Variants in ALPK1 observed in about 807,000 individuals in gnomAD.
ALPK1 encodes alpha kinase 1.
A neutral mutation model predicts 120.6 loss-of-function variants in ALPK1; 110 were observed. The ratio of observed to expected loss-of-function variants is 0.91; its 90% CI spans 0.78 to 1.07. The LOEUF is 1.07. Among genes scored for constraint, ALPK1 ranks in the 50% least tolerant of loss-of-function variants. ALPK1 has a pLI of 0.00. For missense variants in ALPK1, 1,498 were observed against 1,483.9 expected (o/e 1.01, Z -0.16); for synonymous variants, 582 against 560.3 (o/e 1.04, Z -0.55).
At chr4:112,301,201 C>A (rs1390618033) in intron 1 of ALPK1, among the ~76,000 whole-genome samples, 1 of 151,960 alleles carries the variant, frequency 6.6e-6, no homozygotes, top group Non-Finnish European at 1.5e-5. Context: ...AGGTCATGCC[C>A]CAAATAATTA....
intron 2 of ALPK1, chr4:112,356,676 T>A: frequency 1.0e-6 from 1 of 964,088 alleles, no homozygotes; most frequent in Non-Finnish European, 1.7e-6. Context: ...GAGAAAAGCC[T>A]GGAGCAGGAG....
chr4:112,371,233 G>A (rs536504495), intron 2 of ALPK1, among the ~76,000 whole-genome samples: 42 of 151,986 alleles, frequency 2.8e-4, no homozygotes, highest in Non-Finnish European at 2.6e-4. Flanking sequence ...GTTACCTCCC[G>A]GCAAACCCCC....
intron 2 of ALPK1, chr4:112,357,861 G>A: frequency 8.6e-7 from 1 of 1,165,894 alleles, no homozygotes; most frequent in Non-Finnish European, 1.3e-6. Flanking sequence ...TGGCTAGGAA[G>A]ATGGAGGCGC....
chr4:112,411,023 TGA>T (rs1415016473), intron 4 of ALPK1: 1 of 154,698 alleles, frequency 6.5e-6, no homozygotes, highest in African/African-American at 2.4e-5. Context: ...CATTTACGTA[TGA>T]GAGAGAAAGA....
chr4:112,314,876 C>CTTTTTT (rs763492984), intron 1 of ALPK1, among the ~76,000 whole-genome samples: 9 of 99,618 alleles, frequency 9.0e-5, no homozygotes, highest in Non-Finnish European at 1.7e-4. Context: ...AATCCATTGC[C>CTTTTTT]TTTTTTTTTT....
rs1173331801 is a variant in ALPK1 at position 112,430,705 on chromosome 4, G to A, written c.1158G>A (p.Met386Ile). The A allele has an allele frequency of 6.2e-7, 1 of 1,614,200 alleles. No homozygotes were observed. The highest frequency in any genetic ancestry group is 8.5e-7 in the Non-Finnish European group (1 of 1,180,048). The stretch of plus-strand genomic sequence containing the variant: ...CAAGTCAGCTCTGTAAGGAAGCAAT[G>A]GGGAAGCTGTACAATTTCAGCACTT... ...HAASQLCKEA[M>I]GKLYNFSTSS... The change falls in exon 11 of 16, where the codon ATG becomes ATA. Residue 386 changes from methionine to isoleucine, a missense_variant. Coordinates refer to ENST00000650871, the MANE Select transcript of ALPK1 (RefSeq NM_025144.4).
intron 1 of ALPK1, among the ~76,000 whole-genome samples, chr4:112,304,666 G>A (rs1727947403): frequency 6.6e-6 from 1 of 152,010 alleles, no homozygotes; most frequent in Non-Finnish European, 1.5e-5. Context: ...TGTCAAATAA[G>A]TAGATTGCAA....
chr4:112,334,291 G>C (rs938556818), intron 2 of ALPK1, among the ~76,000 whole-genome samples: 1 of 152,070 alleles, frequency 6.6e-6, no homozygotes, highest in African/African-American at 2.4e-5. Context: ...AAATTAGCCA[G>C]GTGTGGTGGC....
chr4:112,397,084 G>A (rs553977990), intron 4 of ALPK1, among the ~76,000 whole-genome samples: 13 of 152,096 alleles, frequency 8.5e-5, no homozygotes, highest in East Asian at 1.9e-4. Context: ...GCCCTGTGGC[G>A]TTGTTATCTT....
chr4:112,441,258 A>G lies in ALPK1; in HGVS notation c.*48A>G. ...TGGGGCTTGGGCAGGGCCGTGACAC[A>G]GGTTCTGGCCAATGATTTGCAAGAG... On this transcript the variant is annotated 3_prime_UTR_variant, in exon 16 of 16. Transcript: ENST00000650871. 8.1e-7 allele frequency: 1 copy of G among 1,240,920 alleles called. No individual in the cohort carries two copies. The allele number at this position is 1,240,920 out of a possible 1,614,324, so 76.9% of individuals were successfully genotyped here.
chr4:112,352,196 A>G (rs1730391880), intron 2 of ALPK1, among the ~76,000 whole-genome samples: 1 of 152,198 alleles, frequency 6.6e-6, no homozygotes, highest in African/African-American at 2.4e-5. Context: ...CGGAACAACT[A>G]TCGAGAATTT....
chr4:112,329,648 A>G (rs1729273507), intron 2 of ALPK1, among the ~76,000 whole-genome samples: 3 of 152,230 alleles, frequency 2.0e-5, no homozygotes, highest in South Asian at 2.1e-4. Context: ...ACCCATTAGT[A>G]GAAGGCAGAC....
chr4:112,346,173 C>G (rs940783142), intron 2 of ALPK1, among the ~76,000 whole-genome samples: 1 of 152,158 alleles, frequency 6.6e-6, no homozygotes, highest in Non-Finnish European at 1.5e-5. Flanking sequence ...GATATGAACT[C>G]TTTTTAAATA....
At chr4:112,383,988 G>A (rs149605679) in intron 4 of ALPK1, 25 of 152,136 alleles carry the variant, frequency 1.6e-4, no homozygotes, top group African/African-American at 6.0e-4. Flanking sequence ...ATACTGTGCT[G>A]CAAGCGAAAA....
Position 112,389,106 on chromosome 4 carries a change from G to A in ALPK1, c.276+6554G>A, listed in dbSNP as rs549333214. On this transcript the variant is annotated intron_variant, in intron 4 of 15. Coordinates refer to ENST00000650871, the MANE Select transcript of ALPK1 (RefSeq NM_025144.4). ...GTTGTCCAGGCTGGAGTGCAATGGC[G>A]TGATCTCGGCTCACTGCTGCCTCCA... Among the ~76,000 whole-genome samples, 25 of 150,464 alleles carry A rather than the reference G, an allele frequency of 1.7e-4. 1 individual carries two copies. In the South Asian group the frequency reaches 3.8e-3, roughly 23 times the overall value.
chr4:112,431,910 A>G lies in ALPK1; in HGVS notation c.2363A>G (p.Glu788Gly). ...GCTAGTCCCTCCTGGGTTGACCCAGAAGGAGAAACAGCAGAAAGCACTGAA... is the reference window on the plus strand; with the variant it reads ...GCTAGTCCCTCCTGGGTTGACCCAGGAGGAGAAACAGCAGAAAGCACTGAA... Reference protein sequence around the residue: ...FKASPSWVDPEGETAESTEDA... With the variant: ...FKASPSWVDPGGETAESTEDA... Residue 788 changes from glutamate to glycine, a missense_variant, in exon 11 of 16, where the codon GAA becomes GGA. By Grantham distance (98) the Glu-to-Gly change is moderately conservative (BLOSUM62 -2). Transcript: ENST00000650871. The G allele has an allele frequency of 1.2e-6, 2 of 1,614,092 alleles. No individual in the cohort carries two copies. The highest frequency in any genetic ancestry group is 8.5e-7 in the Non-Finnish European group (1 of 1,180,048).
intron 2 of ALPK1, chr4:112,358,384 C>A (rs1730747002): frequency 3.3e-6 from 2 of 609,774 alleles, no homozygotes; most frequent in East Asian, 2.9e-5. Context: ...CTGTAGCACC[C>A]AGTTTGCGTG....
chr4:112,344,594 A>C (rs1322646870), intron 2 of ALPK1, among the ~76,000 whole-genome samples: 1 of 152,222 alleles, frequency 6.6e-6, no homozygotes, highest in African/African-American at 2.4e-5. Flanking sequence ...GTATTGATAC[A>C]TTTTGAAATA....
intron 5 of ALPK1, chr4:112,412,530 T>C (rs1039163058): frequency 6.5e-5 from 28 of 433,942 alleles, no homozygotes; most frequent in African/African-American, 3.7e-4. Flanking sequence ...TAAAGTATCT[T>C]TTTTTTTCCT....
Sources: allele counts gnomAD v4.1 joint callset (sites outside exome capture counted in the v4.1 genomes callset), GRCh38; gene constraint gnomAD v4.1.1; transcripts MANE v1.5; gene names NCBI Gene and HGNC (gene_info 2026-07-23, HGNC 2026-07-21).